The following CCDC83 variants were observed in gnomAD, a reference collection of about 807,000 sequenced individuals.
The protein encoded by CCDC83 is coiled-coil domain containing 83.
A neutral mutation model predicts 50.1 loss-of-function variants in CCDC83; 54 were observed. The observed-to-expected ratio is 1.08, with a 90% CI of 0.87 to 1.35. The LOEUF is 1.35. Ranked by LOEUF, CCDC83 falls within the 40% of genes most tolerant of loss-of-function variation. The pLI is 0.00. For synonymous variants in CCDC83, 161 were observed against 153.3 expected, an observed-to-expected ratio of 1.05 and a Z score of -0.37; for missense variants, 518 against 473.9, an observed-to-expected ratio of 1.09 and a Z score of -0.86.
chr11:85,908,602 GATAGATAGACAGATAGAA>G (rs2093437002), intron 7 of CCDC83, among the ~76,000 whole-genome samples: 1 of 134,394 alleles, frequency 7.4e-6, no homozygotes, highest in Non-Finnish European at 1.6e-5. Flanking sequence ...TAGATAGATA[GATAGATAGACAGATAGAA>G]TTCATGGCCG....
At chr11:85,872,080 G>A (rs890097736) in intron 2 of CCDC83, among the ~76,000 whole-genome samples, 3 of 152,070 alleles carry the variant, frequency 2.0e-5, no homozygotes, top group African/African-American at 7.2e-5. Flanking sequence ...AGCCTCCCGA[G>A]TAGCTAGAAC....
At chr11:85,885,558 G>A (rs1323058579) in intron 4 of CCDC83, among the ~76,000 whole-genome samples, 1 of 152,186 alleles carries the variant, frequency 6.6e-6, no homozygotes, top group Non-Finnish European at 1.5e-5. Flanking sequence ...AGAATATCAT[G>A]TTTAGCAAAC....
chr11:85,865,759 G>C (rs961413750), intron 2 of CCDC83, among the ~76,000 whole-genome samples: 1 of 152,018 alleles, frequency 6.6e-6, no homozygotes. Flanking sequence ...ATGGTGGCGC[G>C]TGCCTGTAAT....
chr11:85,900,190 G>C (rs184358905), intron 7 of CCDC83, among the ~76,000 whole-genome samples: 1 of 152,304 alleles, frequency 6.6e-6, no homozygotes, highest in Admixed American at 6.5e-5. Context: ...CAGAAAACAA[G>C]AGGGTTACTT....
intron 8 of CCDC83, chr11:85,912,645 T>C: frequency 6.3e-7 from 1 of 1,577,230 alleles, no homozygotes; most frequent in Non-Finnish European, 8.7e-7. Flanking sequence ...CTCTCTGTGA[T>C]CAGGTATCCA....
intron 6 of CCDC83, among the ~76,000 whole-genome samples, chr11:85,896,950 G>T (rs1037336220): frequency 1.3e-5 from 2 of 152,024 alleles, no homozygotes; most frequent in Admixed American, 1.3e-4. Flanking sequence ...TGGTTCAGTT[G>T]TTCTTTTAGT....
At chr11:85,891,012 G>A (rs1344883364) in intron 5 of CCDC83, among the ~76,000 whole-genome samples, 1 of 152,124 alleles carries the variant, frequency 6.6e-6, no homozygotes, top group Non-Finnish European at 1.5e-5. Context: ...CACAAATGAG[G>A]AAAGGGAAGA....
chr11:85,910,936 C>CCGAG (rs1196856590), intron 7 of CCDC83, among the ~76,000 whole-genome samples: 1 of 152,052 alleles, frequency 6.6e-6, no homozygotes, highest in Non-Finnish European at 1.5e-5. Context: ...CTTTGGGAGG[C>CCGAG]CGAGGCAGGC....
At chr11:85,873,619 T>G (rs2093252641) in intron 3 of CCDC83, among the ~76,000 whole-genome samples, 1 of 152,218 alleles carries the variant, frequency 6.6e-6, no homozygotes, top group African/African-American at 2.4e-5. Context: ...CCATAAAACA[T>G]TGGTTCTCCA....
intron 7 of CCDC83, among the ~76,000 whole-genome samples, chr11:85,903,132 C>G (rs1417128817): frequency 1.3e-5 from 2 of 151,922 alleles, no homozygotes; most frequent in Non-Finnish European, 2.9e-5. Context: ...ACATAGGAGG[C>G]TGAGGCAGGA....
chr11:85,892,843 GA>G (rs1388548005), intron 5 of CCDC83, among the ~76,000 whole-genome samples: 1 of 152,188 alleles, frequency 6.6e-6, no homozygotes, highest in Non-Finnish European at 1.5e-5. Context: ...AAATAAGTAA[GA>G]AAAACGCAGG....
intron 3 of CCDC83, among the ~76,000 whole-genome samples, chr11:85,876,879 A>G (rs902185830): frequency 6.6e-5 from 10 of 152,112 alleles, no homozygotes; most frequent in African/African-American, 2.4e-4. Flanking sequence ...AACAAAATCA[A>G]TCTTTTTTTT....
chr11:85,907,715 T>C (rs1483212591), intron 7 of CCDC83, among the ~76,000 whole-genome samples: 1 of 152,100 alleles, frequency 6.6e-6, no homozygotes, highest in African/African-American at 2.4e-5. Flanking sequence ...TTCCCTAACA[T>C]TTCAAAAGGC....
At chr11:85,903,452 G>A (rs898669669) in intron 7 of CCDC83, among the ~76,000 whole-genome samples, 2 of 150,790 alleles carry the variant, frequency 1.3e-5, no homozygotes, top group African/African-American at 4.9e-5. Flanking sequence ...ATGCCACCAC[G>A]TTCCATCTAA....
rs2135167906 is a variant in CCDC83 at position 85,919,589 on chromosome 11, ACT to A, written c.*80_*81del. 3 of 1,040,810 alleles carry A rather than the reference ACT, an allele frequency of 2.9e-6. No homozygotes were observed. In the Admixed American group the frequency reaches 7.9e-5, roughly 27 times the overall value. 64.5% of individuals were successfully genotyped at this position (1,040,810 alleles called of 1,614,324 possible). ...CTGAAGTATATCCGTTGCCCATTTT[ACT>A]TACACTTTGGCTCATTTTTAAACCA... is the stretch of plus-strand genomic sequence containing the variant. On this transcript the variant is annotated 3_prime_UTR_variant, in exon 11 of 11. Coordinates refer to ENST00000342404, the MANE Select transcript of CCDC83 (RefSeq NM_001286159.2).
rs2093155194 is a variant in CCDC83 at position 85,858,415 on chromosome 11, C to T, written c.-29+2831C>T. ...CTGCCCTTCGCCTTCCAACTGCTGTCCTTGTCCAGGCCCTGCCTCTCCTCC... is the reference window on the plus strand; with the variant it reads ...CTGCCCTTCGCCTTCCAACTGCTGTTCTTGTCCAGGCCCTGCCTCTCCTCC... On this transcript the variant is annotated intron_variant, in intron 1 of 10. Coordinates refer to ENST00000342404, the MANE Select transcript of CCDC83 (RefSeq NM_001286159.2). Among the ~76,000 whole-genome samples the T allele has an allele frequency of 2.0e-5, 3 of 152,210 alleles. No homozygotes were observed. The South Asian group carries it at 6.2e-4, about 32-fold the overall frequency.
chr11:85,865,670 C>G (rs1391112343), intron 2 of CCDC83, among the ~76,000 whole-genome samples: 2 of 152,116 alleles, frequency 1.3e-5, no homozygotes, highest in Non-Finnish European at 2.9e-5. Flanking sequence ...GGCGGATCAC[C>G]TGAGGTTGGG....
At chr11:85,875,640 C>T (rs1011724104) in intron 3 of CCDC83, among the ~76,000 whole-genome samples, 1 of 152,184 alleles carries the variant, frequency 6.6e-6, no homozygotes, top group African/African-American at 2.4e-5. Context: ...CCAGAAGAGT[C>T]CAGCTTAAGT....
chr11:85,888,569 G>GT (rs1366917061), intron 5 of CCDC83, among the ~76,000 whole-genome samples: 1 of 151,954 alleles, frequency 6.6e-6, no homozygotes, highest in Non-Finnish European at 1.5e-5. Context: ...TTTGTCATTA[G>GT]TTTTTTTGTT....
Sources: allele counts gnomAD v4.1 joint callset (sites outside exome capture counted in the v4.1 genomes callset), GRCh38; gene constraint gnomAD v4.1.1; transcripts MANE v1.5; gene names NCBI Gene and HGNC (gene_info 2026-07-23, HGNC 2026-07-21).